The following ZNF875 variants were observed in gnomAD, a reference collection of about 807,000 sequenced individuals.
The protein encoded by ZNF875 is HKR1, GLI-Kruppel zinc finger family member.
A neutral mutation model predicts 11.2 loss-of-function variants in ZNF875; 14 were observed. The observed-to-expected ratio is 1.26, with a 90% CI of 0.83 to 1.96. The LOEUF (loss-of-function observed/expected upper bound fraction) is 1.96, where lower values mean the gene tolerates loss of function less well. ZNF875 is among the 30% of genes most tolerant of loss of function. ZNF875 has a pLI of 0.00. For synonymous variants in ZNF875, 301 were observed against 281.1 expected, an observed-to-expected ratio of 1.07 and a Z score of -0.71; for missense variants, 752 against 760.4, an observed-to-expected ratio of 0.99 and a Z score of 0.13.
intron 2 of ZNF875, among the ~76,000 whole-genome samples, chr19:37,338,193 G>T (rs2034911713): frequency 6.6e-6 from 1 of 152,146 alleles, no homozygotes; most frequent in Non-Finnish European, 1.5e-5. Flanking sequence ...CACGATCTTG[G>T]CTTACTGCAG....
intron 2 of ZNF875, among the ~76,000 whole-genome samples, chr19:37,323,355 C>T (rs1056980016): frequency 3.3e-5 from 5 of 152,006 alleles, no homozygotes; most frequent in African/African-American, 7.2e-5. Flanking sequence ...GGGGTTTCAT[C>T]GTGTTGGCCA....
rs972498139 is a variant in ZNF875, at chr19:37,336,634, C to A, written c.33+1377C>A. ...TATTTAAAAATCAACCTTGGCCAGG[C>A]GTGGTGGCTCAGGCCTGTAATCCCA... On this transcript the variant is annotated intron_variant, in intron 2 of 4. Transcript: ENST00000392153. 2.6e-5 allele frequency among the ~76,000 whole-genome samples: 4 copies of A among 151,250 alleles called. No homozygotes were observed. The East Asian group carries it at 6.0e-4, about 23-fold the overall frequency.
chr19:37,323,523 A>G (rs2145708967), intron 2 of ZNF875: 1 of 152,262 alleles, frequency 6.6e-6, no homozygotes, highest in Non-Finnish European at 1.5e-5. Flanking sequence ...TTGTTTATTT[A>G]TTCTTCTAGG....
chr19:37,326,292 A>AT (rs1274754570), intron 4 of ZNF875, among the ~76,000 whole-genome samples: 1 of 152,168 alleles, frequency 6.6e-6, no homozygotes, highest in Non-Finnish European at 1.5e-5. Flanking sequence ...CTGGAGGGTG[A>AT]TTTTATGTAC....
intron 4 of ZNF875, among the ~76,000 whole-genome samples, chr19:37,350,253 A>G (rs1338986090): frequency 6.6e-6 from 1 of 151,386 alleles, no homozygotes; most frequent in African/African-American, 2.4e-5. Context: ...CTGGGACTAC[A>G]TGCATGCCAC....
At chr19:37,320,216 TAGGGCCCATGAGA>T (rs1039276173) in intron 1 of ZNF875, among the ~76,000 whole-genome samples, 7 of 152,212 alleles carry the variant, frequency 4.6e-5, no homozygotes, top group Non-Finnish European at 8.8e-5. Flanking sequence ...CAGCCAAGTT[TAGGGCCCATGAGA>T]AGGGCCCATG....
chr19:37,317,612 C>T (rs2030319726), upstream of ZNF875, among the ~76,000 whole-genome samples: 1 of 152,236 alleles, frequency 6.6e-6, no homozygotes, highest in South Asian at 2.1e-4. Context: ...ACAGCATCAA[C>T]TATTACTGCA....
intron 4 of ZNF875, among the ~76,000 whole-genome samples, chr19:37,355,593 G>T (rs1012138634): frequency 6.6e-6 from 1 of 152,128 alleles, no homozygotes; most frequent in African/African-American, 2.4e-5. Flanking sequence ...CAGTCATTTT[G>T]CCTGTTATCT....
At chr19:37,340,157 T>C (rs2035388032) in intron 2 of ZNF875, among the ~76,000 whole-genome samples, 1 of 152,004 alleles carries the variant, frequency 6.6e-6, no homozygotes, top group African/African-American at 2.4e-5. Context: ...TCATTTTGTA[T>C]TTTTAGTAGA....
rs1224078262 is a variant in ZNF875 at position 37,347,792 on chromosome 19, A to G, written c.176A>G (p.Lys59Arg). 3 of 1,612,822 alleles carry G rather than the reference A, an allele frequency of 1.9e-6. No homozygotes were observed. The highest frequency in any genetic ancestry group is 1.1e-5 in the South Asian group (1 of 91,050). The change falls in exon 4 of 5, where the codon AAA (lysine) becomes AGA (arginine). Residue 59 changes from lysine (K) to arginine (R), a missense_variant. Lys to Arg is a conservative substitution (Grantham distance 26). Coordinates refer to ENST00000392153, the MANE Select transcript of ZNF875 (RefSeq NM_001353803.2). ...HLVSLEIPSS[K>R]PKLIAQLERG... ...CTATGAACAGAAATTCCATCTTCTA[A>G]ACCAAAACTCATTGCTCAGCTGGAG... is the stretch of plus-strand genomic sequence containing the variant.
chr19:37,314,574 C>T (rs1418933141), upstream of ZNF875, among the ~76,000 whole-genome samples: 2 of 151,960 alleles, frequency 1.3e-5, no homozygotes, highest in Non-Finnish European at 2.9e-5. Context: ...CCTGCAATCT[C>T]AGAACTTTGG....
At chr19:37,323,698 G>A (rs1419523287) in intron 3 of ZNF875, 1 of 152,128 alleles carries the variant, frequency 6.6e-6, no homozygotes, top group African/African-American at 2.4e-5. Flanking sequence ...ACGGAAAAGA[G>A]AAAAGGCCCC....
chr19:37,358,039 G>A, intron 4 of ZNF875: 1 of 394,692 alleles, frequency 2.5e-6, no homozygotes, highest in Non-Finnish European at 4.5e-6. Context: ...CTTATTTTGA[G>A]GTATGTTCCT....
intron 4 of ZNF875, among the ~76,000 whole-genome samples, chr19:37,350,401 T>A (rs1218195829): frequency 6.6e-6 from 1 of 152,068 alleles, no homozygotes; most frequent in Non-Finnish European, 1.5e-5. Flanking sequence ...CCCTGCTTGC[T>A]ATTTAAACAA....
chr19:37,329,566 C>T (rs1175983125), intron 4 of ZNF875, among the ~76,000 whole-genome samples: 1 of 152,170 alleles, frequency 6.6e-6, no homozygotes, highest in African/African-American at 2.4e-5. Flanking sequence ...AAGAAGTCTG[C>T]ATGTGTGGGT....
intron 2 of ZNF875, among the ~76,000 whole-genome samples, chr19:37,345,302 A>G (rs2036558179): frequency 6.6e-6 from 1 of 152,148 alleles, no homozygotes; most frequent in South Asian, 2.1e-4. Flanking sequence ...GATTAAGTAC[A>G]TTGGGACTGG....
At position 37,347,275 on chromosome 19, in the gene ZNF875, GGGAGGTGATGCT is replaced by G. The variant is rs2036984664; in HGVS notation, c.124_135del (p.Val42_Glu45del). 6.2e-7 allele frequency: 1 copy of G among 1,614,010 alleles called. No homozygotes were observed. The highest frequency in any genetic ancestry group is 1.1e-5 in the South Asian group (1 of 91,092). ...AGCCCTGCTCAGAGGACCCTGCACA[GGGAGGTGATGCT>G]GGAGACTTATAACCATCTGGTCTCA... On this transcript the variant is annotated inframe_deletion, in exon 3 of 5. Transcript: ENST00000392153.
At chr19:37,329,930 C>T (rs2033121194), upstream of ZNF875, among the ~76,000 whole-genome samples, 1 of 152,032 alleles carries the variant, frequency 6.6e-6, no homozygotes, top group Non-Finnish European at 1.5e-5. Flanking sequence ...AGTCTTGAAT[C>T]CTGGAGTTCT....
rs1479029201 is a variant in ZNF875 at position 37,318,877 on chromosome 19, G to GA, written c.-747+693dup. 2.0e-5 allele frequency among the ~76,000 whole-genome samples: 3 copies of GA among 152,002 alleles called. No homozygotes were observed. In the East Asian group the frequency reaches 5.8e-4, roughly 29 times the overall value. The stretch of plus-strand genomic sequence containing the variant: ...GTGAAAGGCACAGCGAGTTAGTTTG[G>GA]AATTGTTTTAAAGGAAGTAAGTTCC... On this transcript the variant is annotated intron_variant, in intron 1 of 5. Transcript: ENST00000544914.
Sources: gnomAD v4.1 joint callset for allele counts (sites outside exome capture counted in the v4.1 genomes callset) on GRCh38, gnomAD v4.1.1 for gene constraint, MANE v1.5 for transcripts, NCBI Gene and HGNC (gene_info 2026-07-23, HGNC 2026-07-21) for gene names.